Variants in CFAP300 observed in about 807,000 individuals in gnomAD.
CFAP300 encodes cilia and flagella associated protein 300, also known as cilia- and flagella-associated protein 300.
CFAP300 carries 32 observed loss-of-function variants against 33.0 expected under a neutral mutation model. That is an observed-to-expected ratio of 0.97 (90% CI 0.73 to 1.30). The LOEUF (loss-of-function observed/expected upper bound fraction) is 1.30, where lower values mean the gene tolerates loss of function less well. Among genes scored for constraint, CFAP300 ranks in the 50% most tolerant of loss-of-function variants. CFAP300 has a pLI of 0.00. For missense variants in CFAP300, 356 were observed against 318.1 expected (o/e 1.12, Z -0.90); for synonymous variants, 102 against 106.8 (o/e 0.95, Z 0.28).
At position 102,075,979 on chromosome 11, in the gene CFAP300, G is replaced by A. The variant is rs759047947; in HGVS notation, c.542G>A (p.Cys181Tyr). ...CATCTTTGCCTTGGTGGAGCCCTTT[G>A]TCAATATGAGGATGTGATTAGCCCA... ...FKHLCLGGAL[C>Y]QYEDVISPYL... The change falls in exon 5 of 7, where the codon TGT (cysteine) becomes TAT (tyrosine). Residue 181 changes from cysteine to tyrosine, a missense_variant. Transcript: ENST00000434758. 1 of 1,613,916 alleles carries A rather than the reference G, an allele frequency of 6.2e-7. No individual in the cohort carries two copies. The highest frequency in any genetic ancestry group is 1.1e-5 in the South Asian group (1 of 91,058).
intron 4 of CFAP300, among the ~76,000 whole-genome samples, chr11:102,072,202 G>T (rs532278244): frequency 6.6e-6 from 1 of 151,354 alleles, no homozygotes; most frequent in African/African-American, 2.4e-5. Context: ...GTCTGACTGG[G>T]TTACTTCAAA....
At chr11:102,054,528 C>G (rs1942020045) in intron 2 of CFAP300, among the ~76,000 whole-genome samples, 1 of 146,684 alleles carries the variant, frequency 6.8e-6, no homozygotes, top group African/African-American at 2.5e-5. Context: ...GTCAGGAGTT[C>G]AAGACCAGCC....
chr11:102,075,810 C>A, intron 4 of CFAP300, 63 bp from the exon 5 acceptor site: 4 of 1,315,692 alleles, frequency 3.0e-6, no homozygotes, highest in Non-Finnish European at 4.2e-6. Flanking sequence ...TAAAATGAAA[C>A]CTTTGAAAAC....
chr11:102,084,491 T>G lies in CFAP300; in HGVS notation c.*1292T>G, dbSNP rs1942519237. The G allele has an allele frequency of 6.6e-6, 1 of 152,222 alleles. No individual in the cohort carries two copies. Among genetic ancestry groups the G allele is most frequent in the Admixed American group, 6.5e-5 (1 of 15,284 alleles). The allele number at this position is 152,222 out of a possible 1,614,324, so 9.4% of individuals were successfully genotyped here. ...ATTAAATGTTTATTGAATGAATAAC[T>G]ACTTTCTAGATATCCTCATAATACC... is the stretch of plus-strand genomic sequence containing the variant. On this transcript the variant is annotated 3_prime_UTR_variant, in exon 7 of 7. Transcript: ENST00000434758.
At chr11:102,078,833 C>G (rs1176679068) in intron 5 of CFAP300, among the ~76,000 whole-genome samples, 1 of 152,132 alleles carries the variant, frequency 6.6e-6, no homozygotes, top group Non-Finnish European at 1.5e-5. Context: ...CTCAGCTTCC[C>G]CAGTAACTGG....
At chr11:102,080,017 A>G (rs1448923805) in intron 5 of CFAP300, among the ~76,000 whole-genome samples, 3 of 152,152 alleles carry the variant, frequency 2.0e-5, no homozygotes, top group South Asian at 2.1e-4. Context: ...TGCAGTGGCC[A>G]TCACCTGTAA....
chr11:102,048,847 C>T (rs1458267805), intron 2 of CFAP300, among the ~76,000 whole-genome samples: 1 of 151,702 alleles, frequency 6.6e-6, no homozygotes, highest in Non-Finnish European at 1.5e-5. Context: ...AATACTGTTA[C>T]AGTTTATGAA....
At chr11:102,052,780 T>G (rs905731873) in intron 2 of CFAP300, among the ~76,000 whole-genome samples, 1 of 152,212 alleles carries the variant, frequency 6.6e-6, no homozygotes, top group Non-Finnish European at 1.5e-5. Flanking sequence ...TGGTATCTCC[T>G]TGACTGATGA....
At chr11:102,062,183 C>T (rs1390148393) in intron 3 of CFAP300, among the ~76,000 whole-genome samples, 3 of 152,188 alleles carry the variant, frequency 2.0e-5, no homozygotes, top group Non-Finnish European at 2.9e-5. Flanking sequence ...AGAGTGCCTT[C>T]ACCAGCAACT....
Position 102,054,758 on chromosome 11 carries a change from G to A in CFAP300, c.193-4122G>A, listed in dbSNP as rs540094706. On this transcript the variant is annotated intron_variant, in intron 2 of 6. Transcript: ENST00000434758. ...AAAAAAAAAAAAAAAAAGTGAGACAGTTTAGATTCCTCTCTGAAGAAGGTA... is the reference window on the plus strand; with the variant it reads ...AAAAAAAAAAAAAAAAAGTGAGACAATTTAGATTCCTCTCTGAAGAAGGTA... Among the ~76,000 whole-genome samples the A allele has an allele frequency of 1.3e-4, 19 of 148,844 alleles. No individual in the cohort carries two copies. The East Asian group carries it at 3.5e-3, about 28-fold the overall frequency.
intron 2 of CFAP300, among the ~76,000 whole-genome samples, chr11:102,056,888 G>T (rs138359272): frequency 6.6e-6 from 1 of 151,956 alleles, no homozygotes; most frequent in African/African-American, 2.4e-5. Context: ...GCCTCCCAAA[G>T]TCCTGGGATT....
At chr11:102,065,283 A>G (rs1314875008) in intron 3 of CFAP300, among the ~76,000 whole-genome samples, 1 of 151,776 alleles carries the variant, frequency 6.6e-6, no homozygotes, top group African/African-American at 2.4e-5. Flanking sequence ...GGGTTTCACC[A>G]TGTTATCCAG....
intron 2 of CFAP300, among the ~76,000 whole-genome samples, chr11:102,054,229 C>T (rs1402934537): frequency 1.3e-5 from 2 of 152,156 alleles, no homozygotes; most frequent in Non-Finnish European, 2.9e-5. Context: ...ACATTTTTTC[C>T]CAATGCCGTT....
intron 2 of CFAP300, among the ~76,000 whole-genome samples, chr11:102,053,048 T>C (rs953489694): frequency 6.9e-6 from 1 of 144,514 alleles, no homozygotes; most frequent in African/African-American, 2.6e-5. Flanking sequence ...ACCAACATGG[T>C]GAAACCCTGT....
chr11:102,076,095 T>C, intron 5 of CFAP300, 50 bp downstream of exon 5: 1 of 1,542,434 alleles, frequency 6.5e-7, no homozygotes, highest in Non-Finnish European at 8.7e-7. Flanking sequence ...TAGAATAAAT[T>C]ATTTGCTTAA....
chr11:102,066,324 G>T (rs1439829324), intron 3 of CFAP300, among the ~76,000 whole-genome samples, 161 bp from the exon 4 acceptor site: 2 of 151,814 alleles, frequency 1.3e-5, no homozygotes, highest in African/African-American at 4.8e-5. Context: ...TACAAAATAA[G>T]AATTTAACAA....
At chr11:102,077,600 C>T (rs1422994050) in intron 5 of CFAP300, among the ~76,000 whole-genome samples, 5 of 152,158 alleles carry the variant, frequency 3.3e-5, no homozygotes, top group Admixed American at 6.5e-5. Context: ...GACGGAGTCT[C>T]ACCGTGTCAC....
intron 2 of CFAP300, among the ~76,000 whole-genome samples, chr11:102,055,137 C>A (rs1340235558): frequency 6.6e-6 from 1 of 151,564 alleles, no homozygotes; most frequent in East Asian, 2.0e-4. Flanking sequence ...CGTGCCACCA[C>A]GCCCAGCTAA....
chr11:102,048,472 C>T (rs1591311689), intron 2 of CFAP300, among the ~76,000 whole-genome samples: 1 of 152,118 alleles, frequency 6.6e-6, no homozygotes, highest in Non-Finnish European at 1.5e-5. Context: ...CTGGGGAGTA[C>T]AGGCGAGCCA....
Sources: allele counts gnomAD v4.1 joint callset (sites outside exome capture counted in the v4.1 genomes callset), GRCh38; gene constraint gnomAD v4.1.1; transcripts MANE v1.5; gene names NCBI Gene and HGNC (gene_info 2026-07-23, HGNC 2026-07-21).